PTPRS: variants seen among roughly 807,000 people sequenced by gnomAD.
The protein encoded by PTPRS is receptor-type tyrosine-protein phosphatase S.
PTPRS carries 63 observed loss-of-function variants against 215.3 expected under a neutral mutation model. The observed-to-expected ratio is 0.29, with a 90% CI of 0.24 to 0.36. The LOEUF (loss-of-function observed/expected upper bound fraction) is 0.36. Among genes scored for constraint, PTPRS ranks in the 10% least tolerant of loss-of-function variants. The pLI, the probability that PTPRS is intolerant of heterozygous loss-of-function variation, is 1.00. For synonymous variants in PTPRS, 1,404 were observed against 1,191.4 expected, an observed-to-expected ratio of 1.18 and a Z score of -3.68; for missense variants, 2,258 against 2,825.8, an observed-to-expected ratio of 0.80 and a Z score of 4.56.
chr19:5,233,232 A>G (rs1397959319), intron 13 of PTPRS, among the ~76,000 whole-genome samples: 1 of 151,712 alleles, frequency 6.6e-6, no homozygotes, highest in Admixed American at 6.6e-5. Flanking sequence ...ACAGCAACAG[A>G]GCTCTATTAG....
intron 10 of PTPRS, among the ~76,000 whole-genome samples, chr19:5,245,193 T>C (rs1324163671): frequency 6.6e-6 from 1 of 151,340 alleles, no homozygotes; most frequent in Non-Finnish European, 1.5e-5. Flanking sequence ...TTTCACCATG[T>C]TGGCCAGGCT....
intron 1 of PTPRS, among the ~76,000 whole-genome samples, chr19:5,305,136 G>A (rs1238412919): frequency 6.6e-6 from 1 of 152,208 alleles, no homozygotes; most frequent in African/African-American, 2.4e-5. Context: ...CAAGCACTTA[G>A]CAGGAGCAAA....
At chr19:5,324,692 C>T (rs1210429372) in intron 1 of PTPRS, among the ~76,000 whole-genome samples, 4 of 152,210 alleles carry the variant, frequency 2.6e-5, no homozygotes, top group Non-Finnish European at 5.9e-5. Flanking sequence ...GTCACATCCC[C>T]TCTCTGAGCC....
intron 13 of PTPRS, 103 bp downstream of exon 13, chr19:5,238,816 C>T (rs372090278): frequency 5.0e-6 from 7 of 1,410,442 alleles, no homozygotes; most frequent in African/African-American, 1.5e-5. Flanking sequence ...AGGCGCCCCC[C>T]ACCCACTGCA....
Position 5,263,065 on chromosome 19 carries a change from C to T in PTPRS, c.569-93G>A, listed in dbSNP as rs865896403. ...TATGTCCTCAGCGAGGAGGGGAGGG[C>T]GGGGGAGGGGAGGGGGACGCTCAGA... On this transcript the variant is annotated intron_variant, in intron 5 of 37. Coordinates refer to ENST00000262963, the MANE Select transcript of PTPRS (RefSeq NM_002850.4). 0.023 allele frequency: 2,475 copies of T among 106,760 alleles called. 43 individuals are homozygous for T. The African/African-American group carries it at 0.23, about 10-fold the overall frequency. 6.6% of individuals were successfully genotyped at this position (106,760 alleles called of 1,614,324 possible). A position where few individuals can be genotyped will look rare whatever the true frequency, so the allele number is the denominator to read the frequency against.
Position 5,287,693 on chromosome 19 carries a change from G to A in PTPRS, c.-94-1459C>T, listed in dbSNP as rs574069691. Among the ~76,000 whole-genome samples the A allele has an allele frequency of 5.4e-4, 83 of 152,300 alleles. No homozygotes were observed. The highest frequency in any genetic ancestry group is 6.8e-3 in the Middle Eastern group (2 of 294). ...CGGTCACCTCGCCCAGCCCTGGGGCGGTCCCAGGGGAAGGATGGGCGGGTA... is the reference window on the plus strand; with the variant it reads ...CGGTCACCTCGCCCAGCCCTGGGGCAGTCCCAGGGGAAGGATGGGCGGGTA... On this transcript the variant is annotated intron_variant, in intron 1 of 37. Transcript: ENST00000262963. This position sits in a 1 kb window ranked among gnomAD's most constrained non-coding sequence, Gnocchi z 4.8.
chr19:5,285,867 A>C (rs2048309595), intron 2 of PTPRS, among the ~76,000 whole-genome samples, 183 bp downstream of exon 2: 1 of 152,138 alleles, frequency 6.6e-6, no homozygotes, highest in African/African-American at 2.4e-5. Context: ...TTATCTCTGA[A>C]TCTCTTAGGG....
chr19:5,234,305 G>A (rs2043258074), intron 13 of PTPRS, among the ~76,000 whole-genome samples: 1 of 152,152 alleles, frequency 6.6e-6, no homozygotes, highest in Non-Finnish European at 1.5e-5. Context: ...AGCACCTACT[G>A]TGTGCCAGAT....
chr19:5,240,804 A>T (rs550564319), intron 11 of PTPRS, among the ~76,000 whole-genome samples: 1 of 151,044 alleles, frequency 6.6e-6, no homozygotes, highest in South Asian at 2.1e-4. Flanking sequence ...GCGCCACTGC[A>T]CTCCAGCCTG....
Position 5,229,472 on chromosome 19 carries a change from G to T in PTPRS, c.2349+19C>A, listed in dbSNP as rs1310327077. On this transcript the variant is annotated intron_variant, in intron 15 of 37. Transcript: ENST00000262963. The stretch of plus-strand genomic sequence containing the variant: ...CCGCCCGGAGCCCGTCCCCGGCCCC[G>T]CCCCGGCCCCCCGCCCACCTGGGCA... 1 of 1,168,164 alleles carries T rather than the reference G, an allele frequency of 8.6e-7. No homozygotes were observed. Among genetic ancestry groups the T allele is most frequent in the African/African-American group, 1.6e-5 (1 of 61,244 alleles). 72.4% of individuals were successfully genotyped at this position (1,168,164 alleles called of 1,614,324 possible).
At chr19:5,233,505 G>A (rs566192989) in intron 13 of PTPRS, among the ~76,000 whole-genome samples, 48 of 151,238 alleles carry the variant, frequency 3.2e-4, no homozygotes, top group Non-Finnish European at 6.5e-4. Context: ...CCAGCACCAA[G>A]GGCTTCACAA....
chr19:5,206,906 CG>C, intron 37 of PTPRS, 64 bp from the exon 38 acceptor site: 2 of 1,497,928 alleles, frequency 1.3e-6, no homozygotes, highest in Non-Finnish European at 1.9e-6. Flanking sequence ...GGCTCCCTAT[CG>C]CCCTCAGGAG....
At chr19:5,310,829 C>T (rs1298553057) in intron 1 of PTPRS, among the ~76,000 whole-genome samples, 2 of 152,136 alleles carry the variant, frequency 1.3e-5, no homozygotes, top group African/African-American at 2.4e-5. Flanking sequence ...CCTCAGCCTC[C>T]TGAGTAGCTG....
chr19:5,243,718 C>T (rs974866696), intron 11 of PTPRS, among the ~76,000 whole-genome samples, 183 bp downstream of exon 11: 1 of 152,132 alleles, frequency 6.6e-6, no homozygotes, highest in Non-Finnish European at 1.5e-5. Flanking sequence ...GTGACCCGCC[C>T]GCCTTGGCCT....
Position 5,222,751 on chromosome 19 carries a change from G to A in PTPRS, c.3041C>T (p.Thr1014Met), listed in dbSNP as rs1391073074. Residue 1014 changes from threonine to methionine, a missense_variant, in exon 18 of 38, where the codon ACG becomes ATG. Physicochemically the swap from Thr to Met is moderately conservative, Grantham distance 81 (BLOSUM62 -1). Transcript: ENST00000262963. ...GCTGAAGGGGCCAGGGCCCCGGCGCGTGTGGGCTCGCACTTGGAGGTCATA... is the reference window on the plus strand; with the variant it reads ...GCTGAAGGGGCCAGGGCCCCGGCGCATGTGGGCTCGCACTTGGAGGTCATA... ...TAYDLQVRAH[T>M]RRGPGPFSPP... 8 of 1,598,564 alleles carry A rather than the reference G, an allele frequency of 5.0e-6. No individual in the cohort carries two copies. The highest frequency in any genetic ancestry group is 6.8e-6 in the Non-Finnish European group (8 of 1,178,340).
chr19:5,337,424 C>A (rs2050541331), intron 1 of PTPRS, among the ~76,000 whole-genome samples: 1 of 152,200 alleles, frequency 6.6e-6, no homozygotes, highest in South Asian at 2.1e-4. Context: ...CCTCTCCGGC[C>A]ATCCCACTAA....
At chr19:5,336,270 G>T (rs1315707909) in intron 1 of PTPRS, among the ~76,000 whole-genome samples, 2 of 136,820 alleles carry the variant, frequency 1.5e-5, no homozygotes, top group African/African-American at 2.6e-5. Context: ...AAAAGGGGGG[G>T]GGGCGGGGGG....
At chr19:5,227,936 G>T (rs767538825) in intron 16 of PTPRS, among the ~76,000 whole-genome samples, 1 of 151,862 alleles carries the variant, frequency 6.6e-6, no homozygotes, top group Non-Finnish European at 1.5e-5. Context: ...AAGCACACAC[G>T]CACCCCCCCA....
At chr19:5,275,328 C>T (rs1033673266) in intron 2 of PTPRS, among the ~76,000 whole-genome samples, 1 of 151,978 alleles carries the variant, frequency 6.6e-6, no homozygotes, top group African/African-American at 2.4e-5. Context: ...CCTTCGCCTC[C>T]CAAAGTGCTG....
Sources: gnomAD v4.1 joint callset for allele counts (sites outside exome capture counted in the v4.1 genomes callset) on GRCh38, gnomAD v4.1.1 for gene constraint, Gnocchi (gnomAD v3.1) non-coding constraint, MANE v1.5 for transcripts, NCBI Gene and HGNC (gene_info 2026-07-23, HGNC 2026-07-21) for gene names.